Variants in NHS observed in about 807,000 individuals in gnomAD.
NHS encodes actin remodeling regulator NHS.
NHS carries 5 observed loss-of-function variants against 72.5 expected under a neutral mutation model. That is an observed-to-expected ratio of 0.07 (90% CI 0.04 to 0.14). NHS has a LOEUF of 0.14. NHS is among the 10% of genes least tolerant of loss of function. NHS has a pLI of 1.00. For missense variants in NHS, 1,072 were observed against 1,355.7 expected (o/e 0.79, Z 3.29); for synonymous variants, 464 against 547.7 (o/e 0.85, Z 2.13).
intron 1 of NHS, among the ~76,000 whole-genome samples, chrX:17,590,521 A>G (rs1451497112): frequency 8.9e-6 from 1 of 112,077 alleles, no homozygotes; most frequent in Non-Finnish European, 1.9e-5. Context: ...AGGGCAGTCT[A>G]TAAAACAGTA....
At chrX:17,631,869 C>T (rs938214308) in intron 1 of NHS, among the ~76,000 whole-genome samples, 1 of 111,999 alleles carries the variant, frequency 8.9e-6, no homozygotes, top group Non-Finnish European at 1.9e-5. Context: ...AGGCTTCTTC[C>T]GGCTCCTAGT....
chrX:17,506,527 T>TAATA (rs61214947), intron 1 of NHS, among the ~76,000 whole-genome samples: 3,462 of 98,141 alleles, frequency 0.035, 168 homozygotes, highest in African/African-American at 0.11. Flanking sequence ...TGAGACTCTG[T>TAATA]AATAAATAAA....
At chrX:17,491,241 A>G (rs2064989640) in intron 1 of NHS, among the ~76,000 whole-genome samples, 1 of 111,789 alleles carries the variant, frequency 8.9e-6, no homozygotes, top group Admixed American at 9.5e-5. Context: ...TTGCCCATTC[A>G]GTATGATGTT....
chrX:17,377,222 C>G (rs956276092), intron 1 of NHS, among the ~76,000 whole-genome samples: 11 of 111,830 alleles, frequency 9.8e-5, no homozygotes, highest in African/African-American at 3.6e-4. Context: ...GGAAGGAAGT[C>G]TGGGAGACCC....
At chrX:17,511,335 A>G (rs960176837) in intron 1 of NHS, among the ~76,000 whole-genome samples, 14 of 111,677 alleles carry the variant, frequency 1.3e-4, no homozygotes, top group African/African-American at 4.2e-4. Flanking sequence ...AGGTCTCTCC[A>G]TAGTGATTTC....
At chrX:17,447,261 C>T (rs1030960610) in intron 1 of NHS, among the ~76,000 whole-genome samples, 2 of 112,304 alleles carry the variant, frequency 1.8e-5, no homozygotes, top group African/African-American at 6.5e-5. Context: ...TATGAATTTT[C>T]TCTTTCCCAT....
At position 17,695,767 on chromosome X, in the gene NHS, C is replaced by A. The variant is rs766872180; in HGVS notation, c.852+3299C>A. Among the ~76,000 whole-genome samples the A allele has an allele frequency of 2.7e-5, 3 of 111,303 alleles. No homozygotes were observed. In the South Asian group the frequency reaches 1.1e-3, roughly 42 times the overall value. On this transcript the variant is annotated intron_variant, in intron 3 of 8. Coordinates refer to ENST00000676302, the MANE Select transcript of NHS (RefSeq NM_001291867.2). ...TGACATTTAATTTGTACCAAAAGTT[C>A]TCCAGGGGGAACTCACAGGAAACAG...
chrX:17,387,550 G>A (rs2064417219), intron 1 of NHS, among the ~76,000 whole-genome samples: 1 of 111,906 alleles, frequency 8.9e-6, no homozygotes, highest in Non-Finnish European at 1.9e-5. Context: ...GGATGTCCTT[G>A]TTCTCTGTTC....
chrX:17,505,347 G>A (rs1433235127), intron 1 of NHS, among the ~76,000 whole-genome samples: 1 of 111,160 alleles, frequency 9.0e-6, no homozygotes, highest in Non-Finnish European at 1.9e-5. Flanking sequence ...TTCAAAGGGT[G>A]GTATGTTTTC....
intron 1 of NHS, among the ~76,000 whole-genome samples, chrX:17,559,445 G>A (rs1473628436): frequency 1.8e-5 from 2 of 111,981 alleles, no homozygotes; most frequent in African/African-American, 6.5e-5. Flanking sequence ...TGGAACCTGG[G>A]CTAAGGCATT....
intron 1 of NHS, among the ~76,000 whole-genome samples, chrX:17,487,029 A>G (rs769888077): frequency 1.2e-4 from 13 of 111,961 alleles, no homozygotes; most frequent in Non-Finnish European, 2.3e-4. Flanking sequence ...CAGTTAGTCC[A>G]GCCCCAATGC....
chrX:17,383,128 C>A (rs182955691), intron 1 of NHS, among the ~76,000 whole-genome samples: 414 of 112,204 alleles, frequency 3.7e-3, no homozygotes, highest in Non-Finnish European at 6.6e-3. Flanking sequence ...CTTTCTCCAT[C>A]TCACTTCTTC....
chrX:17,460,573 C>T (rs1220268390), intron 1 of NHS, among the ~76,000 whole-genome samples: 5 of 111,260 alleles, frequency 4.5e-5, no homozygotes, highest in African/African-American at 1.6e-4. Flanking sequence ...TCTGTCACCT[C>T]TTATGCCCAT....
At chrX:17,561,591 C>CACACACACAA (rs2065416208) in intron 1 of NHS, among the ~76,000 whole-genome samples, 1 of 100,751 alleles carries the variant, frequency 9.9e-6, no homozygotes, top group African/African-American at 3.6e-5. Context: ...CACACACACA[C>CACACACACAA]ACACACACAC....
In NHS at chrX:17,459,788, T is replaced by G. The variant is rs987721317; in HGVS notation, c.565+83466T>G. ...TAATCAGCAGCTGCTTTTGGAGTCATGGTTTTAAGGAATCTCCCTTCCTCA... is the reference window on the plus strand; with the variant it reads ...TAATCAGCAGCTGCTTTTGGAGTCAGGGTTTTAAGGAATCTCCCTTCCTCA... On this transcript the variant is annotated intron_variant, in intron 1 of 8. Coordinates refer to ENST00000676302, the MANE Select transcript of NHS (RefSeq NM_001291867.2). Among the ~76,000 whole-genome samples, 9 of 111,929 alleles carry G rather than the reference T, an allele frequency of 8.0e-5. No individual in the cohort carries two copies. In the South Asian group the frequency reaches 1.9e-3, roughly 23 times the overall value.
chrX:17,614,147 G>A (rs895143790), intron 1 of NHS, among the ~76,000 whole-genome samples: 6 of 112,057 alleles, frequency 5.4e-5, no homozygotes, highest in African/African-American at 1.9e-4. Context: ...TGAATACAGG[G>A]AGAGAGAGAG....
chrX:17,517,026 AT>A (rs2065125603), intron 1 of NHS, among the ~76,000 whole-genome samples: 2 of 112,178 alleles, frequency 1.8e-5, no homozygotes, highest in South Asian at 7.5e-4. Context: ...TCTGTCCCTG[AT>A]TGCTGGATAA....
intron 1 of NHS, among the ~76,000 whole-genome samples, chrX:17,495,557 A>G (rs1218838866): frequency 8.9e-6 from 1 of 111,891 alleles, no homozygotes; most frequent in Non-Finnish European, 1.9e-5. Flanking sequence ...AGTTTTAAAA[A>G]TGAGAAAACA....
At chrX:17,537,505 C>G (rs1297690918) in intron 1 of NHS, among the ~76,000 whole-genome samples, 3 of 112,482 alleles carry the variant, frequency 2.7e-5, no homozygotes, top group African/African-American at 9.7e-5. Context: ...CTATCCTGAG[C>G]TAACTTCTCA....
Sources: gnomAD v4.1 joint callset for allele counts (sites outside exome capture counted in the v4.1 genomes callset) on GRCh38, gnomAD v4.1.1 for gene constraint, MANE v1.5 for transcripts, NCBI Gene and HGNC (gene_info 2026-07-23, HGNC 2026-07-21) for gene names.